SLC25A14: variants seen among roughly 807,000 people sequenced by gnomAD.
SLC25A14 encodes brain mitochondrial carrier protein 1.
SLC25A14 carries 8 observed loss-of-function variants against 28.1 expected under a neutral mutation model. That is an observed-to-expected ratio of 0.28 (90% CI 0.17 to 0.51). SLC25A14 has a LOEUF of 0.51. Ranked by LOEUF, SLC25A14 falls within the 20% of genes least tolerant of loss-of-function variation. SLC25A14 has a pLI of 0.97. For synonymous variants in SLC25A14, 74 were observed against 90.6 expected, an observed-to-expected ratio of 0.82 and a Z score of 1.04; for missense variants, 135 against 263.8, an observed-to-expected ratio of 0.51 and a Z score of 3.38.
At chrX:130,340,499 G>A (rs914794013) in intron 2 of SLC25A14, 146 bp downstream of exon 2, 13 of 577,970 alleles carry the variant, frequency 2.2e-5, no homozygotes, top group Non-Finnish European at 2.5e-5. Flanking sequence ...CATGACAGCT[G>A]TTATCAACAT....
In SLC25A14 at chrX:130,349,235, CTTT is replaced by C. The variant is rs34538632; in HGVS notation, c.318-6_318-4del. Reference sequence around the variant, plus strand: ...TGAAAATGTTGAGAATAACTTTTTACTTTTTTTTTTTTCAGAATTGCTCCTGCG... The same window carrying C: ...TGAAAATGTTGAGAATAACTTTTTACTTTTTTTTTCAGAATTGCTCCTGCG... On this transcript the variant is annotated splice_polypyrimidine_tract_variant and intron_variant, in intron 4 of 10. Coordinates refer to ENST00000545805, the MANE Select transcript of SLC25A14 (RefSeq NM_001282195.2). 1.0e-5 allele frequency: 9 copies of C among 858,608 alleles called. No homozygotes were observed. The highest frequency in any genetic ancestry group is 3.0e-5 in the Admixed American group (1 of 33,003). The allele number at this position is 858,608 out of a possible 1,213,427, so 70.8% of individuals were successfully genotyped here.
intron 2 of SLC25A14, among the ~76,000 whole-genome samples, chrX:130,341,116 C>T (rs2033246203): frequency 8.9e-6 from 1 of 111,878 alleles, no homozygotes; most frequent in Non-Finnish European, 1.9e-5. Context: ...CAGGTTGTAC[C>T]TACCGTCTCT....
At chrX:130,358,586 T>G (rs2033864921) in intron 6 of SLC25A14, 54 bp from the exon 7 acceptor site, 4 of 770,795 alleles carry the variant, frequency 5.2e-6, no homozygotes, top group African/African-American at 4.2e-5. Flanking sequence ...TAAAATGAAT[T>G]TAGCATTTTG....
At position 130,349,258 on chromosome X, in the gene SLC25A14, C is replaced by A; in HGVS notation, c.325C>A (p.Pro109Thr). The change falls in exon 5 of 11, where the codon CCT becomes ACT. Residue 109 changes from proline (P) to threonine (T), a missense_variant. Physicochemically the swap from Pro to Thr is conservative, Grantham distance 38 (BLOSUM62 -1). Transcript: ENST00000545805. ...TACTTTTTTTTTTTTCAGAATTGCT[C>A]CTGCGTTGCTAAGACAAGCATCATA... ...GVLALYSGIAPALLRQASYGT... is the reference protein window; with the variant it reads ...GVLALYSGIATALLRQASYGT... 8.6e-7 allele frequency: 1 copy of A among 1,168,830 alleles called. No individual in the cohort carries two copies. Among genetic ancestry groups the A allele is most frequent in the Non-Finnish European group, 1.2e-6 (1 of 867,322 alleles).
chrX:130,356,419 G>A (rs186717189), intron 6 of SLC25A14, among the ~76,000 whole-genome samples: 8 of 109,012 alleles, frequency 7.3e-5, no homozygotes, highest in African/African-American at 2.7e-4. Context: ...AGTAGAGACG[G>A]GGTTTCGCCA....
At position 130,351,662 on chromosome X, in the gene SLC25A14, C is replaced by T. The variant is rs143059851; in HGVS notation, c.498+931C>T. Among the ~76,000 whole-genome samples, 29 of 111,157 alleles carry T rather than the reference C, an allele frequency of 2.6e-4. No individual in the cohort carries two copies. The East Asian group carries it at 7.0e-3, about 27-fold the overall frequency. ...TTAACAAATTATTTTAAGGGGATTG[C>T]GAGAAAAAAGTAAGAGGACACATGC... On this transcript the variant is annotated intron_variant, in intron 6 of 10. Coordinates refer to ENST00000545805, the MANE Select transcript of SLC25A14 (RefSeq NM_001282195.2).
chrX:130,369,518 A>G (rs2034213424), intron 9 of SLC25A14, among the ~76,000 whole-genome samples: 1 of 112,312 alleles, frequency 8.9e-6, no homozygotes, highest in Admixed American at 9.4e-5. Context: ...AGATAGAAAT[A>G]GATGCTATGC....
At chrX:130,362,531 A>G (rs1467503295) in intron 7 of SLC25A14, among the ~76,000 whole-genome samples, 1 of 111,977 alleles carries the variant, frequency 8.9e-6, no homozygotes, top group Non-Finnish European at 1.9e-5. Context: ...AGGCATAAAA[A>G]TGAAAATTAA....
chrX:130,350,864 A>G (rs1157381042), intron 6 of SLC25A14, 133 bp downstream of exon 6: 9 of 370,648 alleles, frequency 2.4e-5, no homozygotes, highest in South Asian at 1.8e-4. Context: ...CAATTTCATC[A>G]TTTGAAAAAT....
At chrX:130,367,939 C>A (rs888908670) in intron 9 of SLC25A14, among the ~76,000 whole-genome samples, 1 of 112,384 alleles carries the variant, frequency 8.9e-6, no homozygotes, top group Non-Finnish European at 1.9e-5. Flanking sequence ...CCCGCCACTA[C>A]GCCTGGCTTA....
At chrX:130,372,475 T>TA (rs2034289721) in intron 10 of SLC25A14, among the ~76,000 whole-genome samples, 1 of 107,650 alleles carries the variant, frequency 9.3e-6, no homozygotes, top group African/African-American at 3.4e-5. Context: ...TTTTATTTTT[T>TA]TTTTTGAGAT....
At chrX:130,341,651 T>G (rs1297236347) in intron 2 of SLC25A14, among the ~76,000 whole-genome samples, 1 of 112,478 alleles carries the variant, frequency 8.9e-6, no homozygotes, top group Non-Finnish European at 1.9e-5. Flanking sequence ...GTCTATCAAA[T>G]TCTCCGAAGT....
At chrX:130,354,095 C>CTTTTTTTTTTTTTTTTCTTTTT (rs747971751) in intron 6 of SLC25A14, among the ~76,000 whole-genome samples, 2 of 97,024 alleles carry the variant, frequency 2.1e-5, no homozygotes, top group African/African-American at 3.8e-5. Context: ...CTTTTTCATT[C>CTTTTTTTTTTTTTTTTCTTTTT]TTTTTTTTTT....
Position 130,365,599 on chromosome X carries a change from C to T in SLC25A14, c.778C>T (p.Arg260Ter), listed in dbSNP as rs2034096653. The T allele has an allele frequency of 8.3e-7, 1 of 1,211,243 alleles. No homozygotes were observed. The highest frequency in any genetic ancestry group is 1.1e-6 in the Non-Finnish European group (1 of 895,204). ...ALASNPVDVV[R>*]TRMMNQRAIV... ...GGCCTCCAACCCGGTTGATGTGGTTCGAACTCGCATGATGAACCAGAGGGC... is the reference window on the plus strand; with the variant it reads ...GGCCTCCAACCCGGTTGATGTGGTTTGAACTCGCATGATGAACCAGAGGGC... Residue 260 changes from arginine (R) to a stop codon, truncating the protein, a stop_gained, in exon 9 of 11, where the codon CGA becomes TGA. Transcript: ENST00000545805. LOFTEE classifies it high-confidence loss of function.
At position 130,354,268 on chromosome X, in the gene SLC25A14, C is replaced by T. The variant is rs763351433; in HGVS notation, c.498+3537C>T. On this transcript the variant is annotated intron_variant, in intron 6 of 10. Transcript: ENST00000545805. Reference sequence around the variant, plus strand: ...AGCTGGGACTACAGGCGCCCGCCACCACACCTGGCTAATTTTTTGTACTTT... The same window carrying T: ...AGCTGGGACTACAGGCGCCCGCCACTACACCTGGCTAATTTTTTGTACTTT... Among the ~76,000 whole-genome samples the T allele has an allele frequency of 4.5e-5, 5 of 110,630 alleles. No individual in the cohort carries two copies. The South Asian group carries it at 1.2e-3, about 26-fold the overall frequency.
intron 7 of SLC25A14, 86 bp downstream of exon 7, chrX:130,358,821 G>A (rs773491511): frequency 1.2e-5 from 9 of 746,973 alleles, no homozygotes; most frequent in Non-Finnish European, 1.8e-5. Flanking sequence ...ACATAAAATC[G>A]TGAATTATAA....
At chrX:130,354,070 T>C in intron 6 of SLC25A14, among the ~76,000 whole-genome samples, 1 of 110,100 alleles carries the variant, frequency 9.1e-6, no homozygotes. Flanking sequence ...TCCTCTTCAG[T>C]CTCTCCTTGA....
intron 7 of SLC25A14, among the ~76,000 whole-genome samples, chrX:130,362,349 G>C (rs1199935364): frequency 9.1e-6 from 1 of 109,446 alleles, no homozygotes; most frequent in Non-Finnish European, 1.9e-5. Context: ...CATAGGCAGA[G>C]CAGCCCCACT....
At chrX:130,342,924 A>C (rs763342614) in intron 2 of SLC25A14, among the ~76,000 whole-genome samples, 1 of 110,103 alleles carries the variant, frequency 9.1e-6, no homozygotes, top group South Asian at 3.9e-4. Context: ...TCGCCCCAGA[A>C]TTGTGGGAAC....
Sources: gnomAD v4.1 joint callset for allele counts (sites outside exome capture counted in the v4.1 genomes callset) on GRCh38, gnomAD v4.1.1 for gene constraint, MANE v1.5 for transcripts, NCBI Gene and HGNC (gene_info 2026-07-23, HGNC 2026-07-21) for gene names.